Variants in TLL2 observed in about 807,000 individuals in gnomAD.
TLL2 encodes tolloid like 2, also known as tolloid-like protein 2.
In TLL2, 106 loss-of-function variants were observed where a neutral mutation model predicts 123.0. The observed-to-expected ratio is 0.86, with a 90% CI of 0.74 to 1.01. The LOEUF (loss-of-function observed/expected upper bound fraction) is 1.01. TLL2 is among the 50% of genes least tolerant of loss of function. The pLI is 0.00. For synonymous variants in TLL2, 494 were observed against 516.8 expected (o/e 0.96, Z 0.60); for missense variants, 1,332 against 1,336.7 (o/e 1.00, Z 0.06).
rs1350487155 is a variant in TLL2, at chr10:96,463,524, G to A, written c.286+16825C>T. Among the ~76,000 whole-genome samples the A allele has an allele frequency of 2.0e-5, 3 of 152,240 alleles. 1 individual carries two copies. The highest frequency in any genetic ancestry group is 4.4e-5 in the Non-Finnish European group (3 of 68,040). ...CCATGTCCTCTGCTGTGAAAGGGCA[G>A]AAGGATCCTGTTCGGTTCCACAACT... is the stretch of plus-strand genomic sequence containing the variant. On this transcript the variant is annotated intron_variant, in intron 2 of 20. Transcript: ENST00000357947.
At chr10:96,446,010 T>C in intron 3 of TLL2, 81 bp downstream of exon 3, 1 of 1,382,480 alleles carries the variant, frequency 7.2e-7, no homozygotes. Flanking sequence ...TGCTTTAAAA[T>C]GGTAAGTCTT....
chr10:96,476,240 A>ATATATATATATATATATATTCT, intron 2 of TLL2, among the ~76,000 whole-genome samples: 24 of 20,430 alleles, frequency 1.2e-3, no homozygotes, highest in East Asian at 4.3e-3. Context: ...ATATATATAT[A>ATATATATATATATATATATTCT]TTTTATTTTT....
chr10:96,422,348 C>T (rs1324004510), intron 6 of TLL2, among the ~76,000 whole-genome samples: 1 of 152,080 alleles, frequency 6.6e-6, no homozygotes, highest in Non-Finnish European at 1.5e-5. Flanking sequence ...AACCTACAAG[C>T]TATGGCAGAT....
chr10:96,512,123 CCTTA>C (rs1235779324), intron 1 of TLL2, among the ~76,000 whole-genome samples: 1 of 152,074 alleles, frequency 6.6e-6, no homozygotes, highest in African/African-American at 2.4e-5. Context: ...AGGAAACTTC[CCTTA>C]CTAAGACCAG....
At chr10:96,442,418 G>A (rs1373095182) in intron 3 of TLL2, among the ~76,000 whole-genome samples, 3 of 152,216 alleles carry the variant, frequency 2.0e-5, no homozygotes, top group African/African-American at 7.2e-5. Context: ...GGCATCCAGC[G>A]CTGGCGCCGA....
intron 11 of TLL2, among the ~76,000 whole-genome samples, chr10:96,396,595 TTTTTTG>T (rs907586982): frequency 4.7e-5 from 7 of 150,468 alleles, no homozygotes; most frequent in Middle Eastern, 6.8e-3. Context: ...TTTTTTTTTT[TTTTTTG>T]GTAGAGGGTA....
chr10:96,511,621 C>G (rs1847632323), intron 1 of TLL2, among the ~76,000 whole-genome samples: 1 of 152,226 alleles, frequency 6.6e-6, no homozygotes, highest in Admixed American at 6.5e-5. Context: ...GAAAATGAGG[C>G]TGTAACAGGC....
intron 13 of TLL2, among the ~76,000 whole-genome samples, chr10:96,387,681 A>G (rs918556897): frequency 6.6e-6 from 1 of 152,198 alleles, no homozygotes; most frequent in African/African-American, 2.4e-5. Flanking sequence ...GGAAGAGGCC[A>G]TAATGAGGCT....
intron 1 of TLL2, among the ~76,000 whole-genome samples, chr10:96,510,717 A>G (rs1225699619): frequency 6.6e-6 from 1 of 152,204 alleles, no homozygotes; most frequent in Admixed American, 6.5e-5. Context: ...AAGTAGTGAA[A>G]TGGTAAAATT....
intron 19 of TLL2, among the ~76,000 whole-genome samples, chr10:96,372,261 C>A (rs1380594185): frequency 6.6e-6 from 1 of 152,048 alleles, no homozygotes; most frequent in Non-Finnish European, 1.5e-5. Context: ...ATGCTGGTCG[C>A]CATTTTGTTT....
chr10:96,384,904 C>T (rs760574204), intron 15 of TLL2, 137 bp from the exon 16 acceptor site: 11 of 819,196 alleles, frequency 1.3e-5, no homozygotes, highest in Admixed American at 3.8e-5. Context: ...CTTGCTACGC[C>T]GGTTATTTGA....
At chr10:96,442,467 T>G (rs1249795802) in intron 3 of TLL2, among the ~76,000 whole-genome samples, 1 of 152,194 alleles carries the variant, frequency 6.6e-6, no homozygotes, top group Admixed American at 6.5e-5. Context: ...ATGGAGGGAC[T>G]GGTTAGAACG....
At position 96,513,822 on chromosome 10, in the gene TLL2, G is replaced by T; in HGVS notation, c.-137C>A. ...CAGGGCTGCTGGGCATGGCTCAGGC[G>T]CGGAGCAAGCGGAGCGCGGCGCCCC... On this transcript the variant is annotated 5_prime_UTR_variant, in exon 1 of 21. Coordinates refer to ENST00000357947, the MANE Select transcript of TLL2 (RefSeq NM_012465.4). 1.1e-6 allele frequency: 1 copy of T among 878,086 alleles called. No individual in the cohort carries two copies. Among genetic ancestry groups the T allele is most frequent in the Non-Finnish European group, 1.6e-6 (1 of 635,676 alleles). 54.4% of individuals were successfully genotyped at this position (878,086 alleles called of 1,614,324 possible).
At chr10:96,419,615 T>C (rs1846599797) in intron 7 of TLL2, among the ~76,000 whole-genome samples, 1 of 152,202 alleles carries the variant, frequency 6.6e-6, no homozygotes, top group Non-Finnish European at 1.5e-5. Flanking sequence ...CCACCCATGA[T>C]AGCTCATGTC....
chr10:96,370,035 T>C lies in TLL2; in HGVS notation c.2913+30A>G, dbSNP rs368205527. On this transcript the variant is annotated intron_variant, in intron 20 of 20. Transcript: ENST00000357947. ...ACTCCTGCTGTGAATCATCACACTC[T>C]GCCCCGGCCCCAGCGTCTCCGGGAC... 22 of 1,528,618 alleles carry C rather than the reference T, an allele frequency of 1.4e-5. No homozygotes were observed. In the African/African-American group the frequency reaches 2.8e-4, roughly 19 times the overall value. 94.7% of individuals were successfully genotyped at this position (1,528,618 alleles called of 1,614,324 possible). A position where few individuals can be genotyped will look rare whatever the true frequency, so the allele number is the denominator to read the frequency against.
rs1366137116 is a variant in TLL2 at position 96,386,158 on chromosome 10, G to T, written c.1910C>A (p.Pro637Gln). 2 of 1,612,314 alleles carry T rather than the reference G, an allele frequency of 1.2e-6. No homozygotes were observed. The highest frequency in any genetic ancestry group is 3.3e-5 in the Admixed American group (2 of 59,838). Residue 637 changes from proline to glutamine, a missense_variant, in exon 15 of 21, where the codon CCG becomes CAG. Coordinates refer to ENST00000357947, the MANE Select transcript of TLL2 (RefSeq NM_012465.4). ...GTTTTTGTTTGTGGGATACTCCTTC[G>T]GCCACCCAGGGCTGGTGATGGTTCC... ...LNGTITSPGW[P>Q]KEYPTNKNCV...
At chr10:96,508,075 A>G in intron 1 of TLL2, among the ~76,000 whole-genome samples, 1 of 152,190 alleles carries the variant, frequency 6.6e-6, no homozygotes, top group South Asian at 2.1e-4. Context: ...ATGGCAGCTC[A>G]CATTCTGGGG....
At chr10:96,503,654 T>C (rs1847554426) in intron 1 of TLL2, among the ~76,000 whole-genome samples, 1 of 152,188 alleles carries the variant, frequency 6.6e-6, no homozygotes, top group Admixed American at 6.5e-5. Context: ...CTGATACCCA[T>C]GCACTGACCC....
intron 10 of TLL2, among the ~76,000 whole-genome samples, chr10:96,402,119 C>T (rs190332891): frequency 2.1e-3 from 319 of 152,292 alleles, no homozygotes; most frequent in Non-Finnish European, 3.6e-3. Flanking sequence ...GATGTTCTCA[C>T]GAAACTCCTC....
Sources: gnomAD v4.1 joint callset for allele counts (sites outside exome capture counted in the v4.1 genomes callset) on GRCh38, gnomAD v4.1.1 for gene constraint, MANE v1.5 for transcripts, NCBI Gene and HGNC (gene_info 2026-07-23, HGNC 2026-07-21) for gene names.